The following SLC44A2 variants were observed in gnomAD, a reference collection of about 807,000 sequenced individuals.
The protein encoded by SLC44A2 is solute carrier family 44 member 2 (CTL2 blood group), also known as choline transporter-like protein 2.
A neutral mutation model predicts 90.8 loss-of-function variants in SLC44A2; 57 were observed. That is an observed-to-expected ratio of 0.63 (90% confidence interval 0.51 to 0.78). The LOEUF (loss-of-function observed/expected upper bound fraction) is 0.78. Ranked by LOEUF, SLC44A2 falls within the 30% of genes least tolerant of loss-of-function variation. SLC44A2 has a pLI of 0.00. For missense variants in SLC44A2, 794 were observed against 919.7 expected, an observed-to-expected ratio of 0.86 and a Z score of 1.77; for synonymous variants, 355 against 360.7, an observed-to-expected ratio of 0.98 and a Z score of 0.18.
At chr19:10,633,442 G>C (rs1426145234) in intron 10 of SLC44A2, among the ~76,000 whole-genome samples, 4 of 151,308 alleles carry the variant, frequency 2.6e-5, no homozygotes, top group Non-Finnish European at 5.9e-5. Context: ...TTACAGACGT[G>C]AGCCACCGCG....
chr19:10,631,329 TC>T lies in SLC44A2; in HGVS notation c.388del (p.Arg130GlyfsTer54), dbSNP rs1340043846. 6.2e-7 allele frequency: 1 copy of T among 1,614,094 alleles called. No individual in the cohort carries two copies. The highest frequency in any genetic ancestry group is 1.7e-5 in the Admixed American group (1 of 59,990). On this transcript the variant is annotated frameshift_variant, in exon 6 of 22. Coordinates refer to ENST00000335757, the MANE Select transcript of SLC44A2 (RefSeq NM_020428.4). LOFTEE classifies it high-confidence loss of function. ...RYLTYLNARS[S>X]RDFEYYKQFC... Reference sequence around the variant, plus strand: ...CCTCACGTACCTGAATGCTCGCAGCTCCCGGGACTTTGAGTACTATAAGCAG... The same window carrying T: ...CCTCACGTACCTGAATGCTCGCAGCTCCGGGACTTTGAGTACTATAAGCAG...
intron 21 of SLC44A2, among the ~76,000 whole-genome samples, chr19:10,642,652 C>T (rs2067129706): frequency 6.6e-6 from 1 of 152,166 alleles, no homozygotes; most frequent in Non-Finnish European, 1.5e-5. Context: ...GTCCACTGGC[C>T]CAGGCTGCAG....
chr19:10,632,491 A>G (rs548672066), intron 10 of SLC44A2, among the ~76,000 whole-genome samples: 397 of 148,414 alleles, frequency 2.7e-3, no homozygotes, highest in Admixed American at 3.9e-3. Flanking sequence ...AGCCGAAATC[A>G]CGCCATTGCA....
chr19:10,641,013 G>A, intron 20 of SLC44A2: 1 of 370,768 alleles, frequency 2.7e-6, no homozygotes, highest in Non-Finnish European at 5.2e-6. Context: ...CTTGAACCCG[G>A]GAGGTGGAGG....
intron 1 of SLC44A2, among the ~76,000 whole-genome samples, chr19:10,615,925 G>A (rs76434079): frequency 6.6e-6 from 1 of 152,020 alleles, no homozygotes; most frequent in African/African-American, 2.4e-5. Context: ...AGCACTTTGG[G>A]CGGCCAAAGC....
chr19:10,637,262 G>T, intron 16 of SLC44A2: 1 of 249,918 alleles, frequency 4.0e-6, no homozygotes, highest in Non-Finnish European at 7.9e-6. Context: ...TGAGACAGGA[G>T]AATCACTTGA....
At chr19:10,606,411 C>T (rs1288020006) in intron 1 of SLC44A2, among the ~76,000 whole-genome samples, 2 of 152,172 alleles carry the variant, frequency 1.3e-5, no homozygotes, top group Middle Eastern at 3.4e-3. Flanking sequence ...TGTGGTGGCT[C>T]ACGCCTGTAA....
chr19:10,628,502 T>C (rs2066958708), intron 4 of SLC44A2, among the ~76,000 whole-genome samples: 1 of 152,062 alleles, frequency 6.6e-6, no homozygotes, highest in African/African-American at 2.4e-5. Flanking sequence ...CAGTAAGGTA[T>C]GATTGTACCA....
At chr19:10,639,336 A>G (rs1025500945) in intron 20 of SLC44A2, among the ~76,000 whole-genome samples, 1 of 152,214 alleles carries the variant, frequency 6.6e-6, no homozygotes, top group Non-Finnish European at 1.5e-5. Flanking sequence ...ATACTCCTCC[A>G]TAATGATATT....
intron 4 of SLC44A2, among the ~76,000 whole-genome samples, 196 bp downstream of exon 4, chr19:10,628,200 C>T (rs1242009396): frequency 1.3e-5 from 2 of 152,172 alleles, no homozygotes; most frequent in Non-Finnish European, 2.9e-5. Context: ...GCCTGGCCAA[C>T]ATGGCAAAAC....
upstream of SLC44A2, among the ~76,000 whole-genome samples, chr19:10,621,316 C>T (rs1180240429): frequency 3.3e-5 from 5 of 150,490 alleles, no homozygotes; most frequent in Non-Finnish European, 7.4e-5. Flanking sequence ...GGCACCACTG[C>T]ACTCCAGCCT....
At chr19:10,616,018 CG>C (rs746381692) in intron 1 of SLC44A2, among the ~76,000 whole-genome samples, 1 of 151,648 alleles carries the variant, frequency 6.6e-6, no homozygotes, top group Non-Finnish European at 1.5e-5. Context: ...AAAAATTAGC[CG>C]GGCATGGTGA....
intron 20 of SLC44A2, among the ~76,000 whole-genome samples, chr19:10,638,516 T>C (rs940514529): frequency 1.4e-4 from 21 of 152,194 alleles, no homozygotes; most frequent in African/African-American, 5.1e-4. Flanking sequence ...CAATCTTGAC[T>C]CACTGCAACC....
intron 1 of SLC44A2, among the ~76,000 whole-genome samples, chr19:10,614,221 C>A (rs2066837122): frequency 6.6e-6 from 1 of 152,100 alleles, no homozygotes; most frequent in African/African-American, 2.4e-5. Context: ...CCTGCCTCGG[C>A]CTCCCAAAGT....
intron 1 of SLC44A2, among the ~76,000 whole-genome samples, chr19:10,612,526 G>A (rs974016200): frequency 1.3e-5 from 2 of 152,206 alleles, no homozygotes; most frequent in African/African-American, 2.4e-5. Context: ...TTTGTCAAAA[G>A]AGGTGTCTGG....
At chr19:10,625,704 G>A in intron 1 of SLC44A2, 34 bp downstream of exon 1, 1 of 1,243,946 alleles carries the variant, frequency 8.0e-7, no homozygotes, top group Non-Finnish European at 1.0e-6. Flanking sequence ...GCCCCGGGCC[G>A]ACCCCTCGGT....
At chr19:10,641,498 TG>T in intron 20 of SLC44A2, 1 of 425,188 alleles carries the variant, frequency 2.4e-6, no homozygotes, top group Admixed American at 3.0e-5. Flanking sequence ...AGAAGGTCGA[TG>T]GGGCATAAAT....
rs556628556 is a variant in SLC44A2 at position 10,616,142 on chromosome 19, GAAAAA to G, written c.32-10101_32-10097del. Among the ~76,000 whole-genome samples, 13 of 98,936 alleles carry G rather than the reference GAAAAA, an allele frequency of 1.3e-4. 1 individual carries two copies. Among genetic ancestry groups the G allele is most frequent in the African/African-American group, 4.1e-4 (11 of 26,554 alleles). The allele number at this position is 98,936 out of a possible 152,430, so 64.9% of individuals were successfully genotyped here. A position where few individuals can be genotyped will look rare whatever the true frequency, so the allele number is the denominator to read the frequency against. On this transcript the variant is annotated intron_variant, in intron 1 of 21. Transcript: ENST00000407327. Reference sequence around the variant, plus strand: ...GTGACAGTGAGACCCTGTCTCCAAAGAAAAAAAAAAAAAAGGATGAAATGAGGTGA... The same window carrying G: ...GTGACAGTGAGACCCTGTCTCCAAAGAAAAAAAAAGGATGAAATGAGGTGA...
At chr19:10,629,763 T>TC in intron 4 of SLC44A2, among the ~76,000 whole-genome samples, 1 of 151,436 alleles carries the variant, frequency 6.6e-6, no homozygotes, top group East Asian at 2.0e-4. Flanking sequence ...GATATCTTTT[T>TC]TTTTTTTTGA....
Sources: allele counts gnomAD v4.1 joint callset (sites outside exome capture counted in the v4.1 genomes callset), GRCh38; gene constraint gnomAD v4.1.1; transcripts MANE v1.5; gene names NCBI Gene and HGNC (gene_info 2026-07-23, HGNC 2026-07-21).